DPH6: variants seen among roughly 807,000 people sequenced by gnomAD.
The protein encoded by DPH6 is diphthamine biosynthesis 6.
Under a neutral mutation model 38.2 loss-of-function variants are expected in DPH6, and 33 were observed. The ratio of observed to expected loss-of-function variants is 0.86; its 90% CI spans 0.65 to 1.15. The LOEUF (loss-of-function observed/expected upper bound fraction) is 1.15. DPH6 is among the 50% of genes most tolerant of loss of function. The pLI is 0.00. For synonymous variants in DPH6, 108 were observed against 103.0 expected (o/e 1.05, Z -0.30); for missense variants, 325 against 320.0 (o/e 1.02, Z -0.12).
intron 8 of DPH6, among the ~76,000 whole-genome samples, chr15:35,372,680 T>C (rs1055226845): frequency 2.0e-5 from 3 of 151,852 alleles, no homozygotes; most frequent in African/African-American, 4.8e-5. Context: ...CCTATAATTA[T>C]CCTCACCTGT....
chr15:35,244,245 A>C (rs1332726683), intron 3 of DPH6, among the ~76,000 whole-genome samples: 1 of 152,222 alleles, frequency 6.6e-6, no homozygotes, highest in African/African-American at 2.4e-5. Context: ...ACTAGTTCTT[A>C]CTATGGCATT....
chr15:35,252,703 G>C (rs1476257989), intron 3 of DPH6, among the ~76,000 whole-genome samples: 2 of 152,178 alleles, frequency 1.3e-5, no homozygotes, highest in African/African-American at 4.8e-5. Context: ...TTGCCTAAGG[G>C]CAGACAGCGA....
At chr15:35,494,388 T>A (rs1020651607) in intron 3 of DPH6, among the ~76,000 whole-genome samples, 9 of 152,086 alleles carry the variant, frequency 5.9e-5, no homozygotes, top group African/African-American at 2.2e-4. Context: ...AAGCAAAGTA[T>A]CTAGAGGAGT....
chr15:35,401,298 TG>T, intron 6 of DPH6: 1 of 855,710 alleles, frequency 1.2e-6, no homozygotes. Flanking sequence ...ATGACAACTT[TG>T]GTAGTGGAGG....
At chr15:35,298,595 T>C in intron 3 of DPH6, 3 of 822,116 alleles carry the variant, frequency 3.6e-6, no homozygotes, top group Non-Finnish European at 4.4e-6. Context: ...CTTGGATGCA[T>C]CTTTCTCCGT....
the DPH6 span, among the ~76,000 whole-genome samples, chr15:35,176,663 G>A: frequency 6.6e-6 from 1 of 152,050 alleles, no homozygotes; most frequent in Non-Finnish European, 1.5e-5. Flanking sequence ...TAGAGATGGG[G>A]TTTCTCCATG....
chr15:35,448,166 C>T (rs73380726), intron 5 of DPH6, among the ~76,000 whole-genome samples: 3,953 of 151,322 alleles, frequency 0.026, 172 homozygotes, highest in African/African-American at 0.091. Context: ...TAGTAAATAC[C>T]ATTAGTGATT....
At chr15:35,449,594 G>C (rs866318969) in intron 5 of DPH6, among the ~76,000 whole-genome samples, 9 of 151,934 alleles carry the variant, frequency 5.9e-5, no homozygotes, top group Admixed American at 5.2e-4. Flanking sequence ...AAAAGCAAGA[G>C]GGAATACTCT....
Position 35,490,077 on chromosome 15 carries a change from C to A in DPH6, c.313-35257G>T, listed in dbSNP as rs919457918. 7.1e-6 allele frequency: 7 copies of A among 985,280 alleles called. No individual in the cohort carries two copies. The African/African-American group carries it at 1.2e-4, about 17-fold the overall frequency. The allele number at this position is 985,280 out of a possible 1,614,324, so 61.0% of individuals were successfully genotyped here. A position where few individuals can be genotyped will look rare whatever the true frequency, so the allele number is the denominator to read the frequency against. ...GACTATTTGAGCAATTATCTTCTTA[C>A]TTGGCCTAAATCTCTTCCAGGCTCA... On this transcript the variant is annotated intron_variant, in intron 3 of 8. Coordinates refer to ENST00000256538, the MANE Select transcript of DPH6 (RefSeq NM_080650.4).
chr15:35,482,385 G>A (rs2054337905), intron 3 of DPH6, among the ~76,000 whole-genome samples: 1 of 152,142 alleles, frequency 6.6e-6, no homozygotes, highest in African/African-American at 2.4e-5. Flanking sequence ...CTGACCTGAG[G>A]CTGTGCAGAG....
chr15:35,324,223 AT>A (rs1011466141), intron 3 of DPH6, among the ~76,000 whole-genome samples: 9 of 152,188 alleles, frequency 5.9e-5, no homozygotes, highest in African/African-American at 2.2e-4. Flanking sequence ...CACCCTTTAT[AT>A]TAGGGGACAA....
downstream of DPH6, among the ~76,000 whole-genome samples, chr15:35,213,613 C>G (rs1312208899): frequency 6.6e-6 from 1 of 152,166 alleles, no homozygotes; most frequent in African/African-American, 2.4e-5. Context: ...TATCCTGGGA[C>G]AGGTCTTTTC....
the DPH6 span, among the ~76,000 whole-genome samples, chr15:35,156,159 T>C: frequency 6.6e-6 from 1 of 152,156 alleles, no homozygotes; most frequent in Non-Finnish European, 1.5e-5. Flanking sequence ...ATGATATATG[T>C]AGTTACAATT....
chr15:35,372,874 A>G (rs1358753027), intron 8 of DPH6, among the ~76,000 whole-genome samples: 2 of 151,990 alleles, frequency 1.3e-5, no homozygotes, highest in African/African-American at 4.8e-5. Context: ...CTTTTCTGTC[A>G]CTACACTCAT....
At chr15:35,321,495 G>A (rs2052240053) in intron 3 of DPH6, among the ~76,000 whole-genome samples, 1 of 152,192 alleles carries the variant, frequency 6.6e-6, no homozygotes. Flanking sequence ...CTGGTAAGAG[G>A]GGAGCAATAG....
intron 3 of DPH6, among the ~76,000 whole-genome samples, chr15:35,515,957 T>C (rs543926002): frequency 6.6e-6 from 1 of 152,268 alleles, no homozygotes; most frequent in East Asian, 1.9e-4. Flanking sequence ...AAAACTTTCC[T>C]AGTTAAGAAG....
intron 3 of DPH6, among the ~76,000 whole-genome samples, chr15:35,513,050 T>C (rs1481786791): frequency 1.3e-5 from 2 of 151,938 alleles, no homozygotes; most frequent in African/African-American, 2.4e-5. Flanking sequence ...ACTGAAGAGA[T>C]TTTCACGGCA....
At position 35,467,768 on chromosome 15, in the gene DPH6, C is replaced by CTTAATCTTTTTTTA. The variant is rs1177939109; in HGVS notation, c.313-12949_313-12948insTAAAAAAAGATTAA. The stretch of plus-strand genomic sequence containing the variant: ...TGCGGAATACCTTGGAGGGACCGGC[C>CTTAATCTTTTTTTA]TGAGGCTGTTTTACACTTAATCTTT... On this transcript the variant is annotated intron_variant, in intron 3 of 8. Transcript: ENST00000256538. 7.6e-4 allele frequency among the ~76,000 whole-genome samples: 116 copies of CTTAATCTTTTTTTA among 152,224 alleles called. 3 individuals carry two copies. In the South Asian group the frequency reaches 0.022, roughly 29 times the overall value.
At chr15:35,274,252 T>C (rs190228760) in intron 3 of DPH6, among the ~76,000 whole-genome samples, 22 of 152,142 alleles carry the variant, frequency 1.4e-4, no homozygotes. Flanking sequence ...AAAAATTAAC[T>C]CAAGATGGAT....
Sources: allele counts gnomAD v4.1 joint callset (sites outside exome capture counted in the v4.1 genomes callset), GRCh38; gene constraint gnomAD v4.1.1; transcripts MANE v1.5; gene names NCBI Gene and HGNC (gene_info 2026-07-23, HGNC 2026-07-21).